Variants in UBE2M observed in about 807,000 individuals in gnomAD.
UBE2M encodes NEDD8-conjugating enzyme Ubc12.
A neutral mutation model predicts 23.5 loss-of-function variants in UBE2M; 2 were observed. The observed-to-expected ratio is 0.09, with a 90% CI of 0.03 to 0.27. UBE2M has a LOEUF of 0.27. UBE2M is among the 10% of genes least tolerant of loss of function. The pLI, the probability that UBE2M is intolerant of heterozygous loss-of-function variation, is 1.00. For missense variants in UBE2M, 103 were observed against 232.9 expected, an observed-to-expected ratio of 0.44 and a Z score of 3.63; for synonymous variants, 97 against 95.2, an observed-to-expected ratio of 1.02 and a Z score of -0.11.
chr19:58,556,107 A>G lies in UBE2M; in HGVS notation c.534T>C (p.Phe178=), dbSNP rs1346321538. The change falls in exon 6 of 6, where the codon TTT becomes TTC. Residue 178 remains phenylalanine, a synonymous_variant. Transcript: ENST00000253023. This position sits in a 1 kb window ranked among gnomAD's most constrained non-coding sequence, Gnocchi z 4.9. ...GCCAACCCTATTTCAGGCAGCGCTC[A>G]AAGTAGGTGGAGCCGATGTAGCCAC... ...MRGGYIGSTY[F]ERCLK 6.2e-7 allele frequency: 1 copy of G among 1,611,360 alleles called. No homozygotes were observed. Among genetic ancestry groups the G allele is most frequent in the South Asian group, 1.1e-5 (1 of 90,986 alleles).
Position 58,558,141 on chromosome 19 carries a change from A to AC in UBE2M, c.109+131dup, listed in dbSNP as rs889087722. 1.3e-3 allele frequency: 681 copies of AC among 523,844 alleles called. No individual in the cohort carries two copies. Among genetic ancestry groups the AC allele is most frequent in the Non-Finnish European group, 1.5e-3 (488 of 328,488 alleles). 32.4% of individuals were successfully genotyped at this position (523,844 alleles called of 1,614,324 possible). ...CCCAACCCTCAAGACTTGACCTCCG[A>AC]CCCCCCCCACGCTCGGGGCCCTTCA... On this transcript the variant is annotated intron_variant, in intron 1 of 5. Transcript: ENST00000253023. This position sits in a 1 kb window ranked among gnomAD's most constrained non-coding sequence, Gnocchi z 4.7.
chr19:58,558,393 C>T lies in UBE2M; in HGVS notation c.-12G>A, dbSNP rs1568671179. Reference sequence around the variant, plus strand: ...AACAGCTTGATCATCCTGCCGCCGCCGCCGCCGCTGCCGCCGCCGCGGGGC... The same window carrying T: ...AACAGCTTGATCATCCTGCCGCCGCTGCCGCCGCTGCCGCCGCCGCGGGGC... On this transcript the variant is annotated 5_prime_UTR_variant, in exon 1 of 6. Coordinates refer to ENST00000253023, the MANE Select transcript of UBE2M (RefSeq NM_003969.4). The surrounding 1 kb of genome is among the most constrained non-coding windows in gnomAD (Gnocchi z 4.7). 1 of 1,368,952 alleles carries T rather than the reference C, an allele frequency of 7.3e-7. No homozygotes were observed. The allele number at this position is 1,368,952 out of a possible 1,614,324, so 84.8% of individuals were successfully genotyped here.
chr19:58,557,216 G>A lies in UBE2M; in HGVS notation c.110-59C>T, dbSNP rs1015379915. 1.1e-5 allele frequency: 16 copies of A among 1,491,062 alleles called. No individual in the cohort carries two copies. In the East Asian group the frequency reaches 1.6e-4, roughly 15 times the overall value. The allele number at this position is 1,491,062 out of a possible 1,614,324, so 92.4% of individuals were successfully genotyped here. Reference sequence around the variant, plus strand: ...AGAGGGAGGGGAAGAGAGAGAGAGAGGGAGCCAGCAGGACACTTAGGGCGG... The same window carrying A: ...AGAGGGAGGGGAAGAGAGAGAGAGAAGGAGCCAGCAGGACACTTAGGGCGG... On this transcript the variant is annotated intron_variant, in intron 1 of 5. Transcript: ENST00000253023.
Position 58,558,396 on chromosome 19 carries a change from C to A in UBE2M, c.-15G>T. 1.5e-6 allele frequency: 2 copies of A among 1,324,424 alleles called. No individual in the cohort carries two copies. The allele number at this position is 1,324,424 out of a possible 1,614,324, so 82.0% of individuals were successfully genotyped here. ...AGCTTGATCATCCTGCCGCCGCCGC[C>A]GCCGCTGCCGCCGCCGCGGGGCCCG... On this transcript the variant is annotated 5_prime_UTR_variant, in exon 1 of 6. Coordinates refer to ENST00000253023, the MANE Select transcript of UBE2M (RefSeq NM_003969.4). The surrounding 1 kb of genome is among the most constrained non-coding windows in gnomAD (Gnocchi z 4.7).
Position 58,556,259 on chromosome 19 carries a change from CAGGCCAGA to C in UBE2M, c.412-38_412-31del. On this transcript the variant is annotated intron_variant, in intron 5 of 5. Coordinates refer to ENST00000253023, the MANE Select transcript of UBE2M (RefSeq NM_003969.4). The surrounding 1 kb of genome is among the most constrained non-coding windows in gnomAD (Gnocchi z 4.9). ...GGCCAGTACAGGTAGGGGGGGTCAA[CAGGCCAGA>C]GGGACAGAAGGCCAATCTCCCCAGA... The C allele has an allele frequency of 6.2e-7, 1 of 1,613,844 alleles. No individual in the cohort carries two copies. The highest frequency in any genetic ancestry group is 8.5e-7 in the Non-Finnish European group (1 of 1,179,770).
intron 2 of UBE2M, 38 bp downstream of exon 2, chr19:58,557,025 T>G (rs1201810392): frequency 1.2e-6 from 2 of 1,613,780 alleles, no homozygotes; most frequent in Admixed American, 3.3e-5. Context: ...GGGACACCCT[T>G]GGTTTGCTCC....
rs769598296 is a variant in UBE2M, at chr19:58,557,083, G to A, written c.184C>T (p.Leu62=). The A allele has an allele frequency of 5.6e-6, 9 of 1,614,106 alleles. No homozygotes were observed. Among genetic ancestry groups the A allele is most frequent in the South Asian group, 1.1e-5 (1 of 91,086 alleles). The part of the protein sequence containing the change: ...SDPDDLLNFK[L]VICPDEGFYK... ...CTCACCTCATCAGGACAGATGACCA[G>A]CTTGAAGTTGAGGAGGTCGTCTGGA... Residue 62 remains leucine (L), a synonymous_variant, in exon 2 of 6, where the codon CTG becomes TTG. Coordinates refer to ENST00000253023, the MANE Select transcript of UBE2M (RefSeq NM_003969.4).
chr19:58,556,547 G>A lies in UBE2M; in HGVS notation c.347+140C>T. 2 of 1,066,016 alleles carry A rather than the reference G, an allele frequency of 1.9e-6. No individual in the cohort carries two copies. The highest frequency in any genetic ancestry group is 2.6e-5 in the East Asian group (1 of 39,092). 66.0% of individuals were successfully genotyped at this position (1,066,016 alleles called of 1,614,324 possible). Reference sequence around the variant, plus strand: ...AAGGAGAAAACCAAGGTCAGGCCATGAGGAAGATGACTGGGAAATCAAGAA... The same window carrying A: ...AAGGAGAAAACCAAGGTCAGGCCATAAGGAAGATGACTGGGAAATCAAGAA... On this transcript the variant is annotated intron_variant, in intron 4 of 5. Transcript: ENST00000253023. The surrounding 1 kb of genome is among the most constrained non-coding windows in gnomAD (Gnocchi z 4.9).
chr19:58,558,499 T>TGCTGCCGCCACCCGCCCGG lies in UBE2M; in HGVS notation c.-137_-119dup, dbSNP rs1207982181. On this transcript the variant is annotated 5_prime_UTR_variant, in exon 1 of 6. Transcript: ENST00000253023. The surrounding 1 kb of genome is among the most constrained non-coding windows in gnomAD (Gnocchi z 4.7). ...GACCCGCAGCTGCGGCCTCCTCCGC[T>TGCTGCCGCCACCCGCCCGG]GCTGCCGCCACCCGCCCGGCCTGCC... The TGCTGCCGCCACCCGCCCGG allele has an allele frequency of 2.7e-6, 1 of 370,038 alleles. No homozygotes were observed. The highest frequency in any genetic ancestry group is 2.2e-5 in the African/African-American group (1 of 44,976). The allele number at this position is 370,038 out of a possible 1,614,324, so 22.9% of individuals were successfully genotyped here.
In UBE2M at chr19:58,556,494, G is replaced by A; in HGVS notation, c.348-115C>T. 8.1e-7 allele frequency: 1 copy of A among 1,231,970 alleles called. No homozygotes were observed. Among genetic ancestry groups the A allele is most frequent in the Admixed American group, 2.0e-5 (1 of 49,220 alleles). 76.3% of individuals were successfully genotyped at this position (1,231,970 alleles called of 1,614,324 possible). ...AGGAGAGTGAGCATGTGAGAGGCTGGGAGGGAGGGTGTGGAGCAGGACAGG... is the reference window on the plus strand; with the variant it reads ...AGGAGAGTGAGCATGTGAGAGGCTGAGAGGGAGGGTGTGGAGCAGGACAGG... On this transcript the variant is annotated intron_variant, in intron 4 of 5. Transcript: ENST00000253023. The surrounding 1 kb of genome is among the most constrained non-coding windows in gnomAD (Gnocchi z 4.9).
intron 1 of UBE2M, 71 bp from the exon 2 acceptor site, chr19:58,557,228 G>T (rs963450049): frequency 4.7e-6 from 7 of 1,475,668 alleles, no homozygotes; most frequent in Non-Finnish European, 6.6e-6. Flanking sequence ...GAGCCAGCAG[G>T]ACACTTAGGG....
At position 58,558,285 on chromosome 19, in the gene UBE2M, G is replaced by T. The variant is rs1365739937; in HGVS notation, c.97C>A (p.Arg33=). 6.2e-6 allele frequency: 10 copies of T among 1,602,064 alleles called. No homozygotes were observed. The African/African-American group carries it at 1.4e-4, about 22-fold the overall frequency. ...SSKKASAAQL[R]IQKDINELNL... is the part of the protein sequence containing the mutation. ...CCTGACCCCCTACCCTTCTGGATCCGCAGCTGCGCCGCCGACGCCTTCTTG... is the reference window on the plus strand; with the variant it reads ...CCTGACCCCCTACCCTTCTGGATCCTCAGCTGCGCCGCCGACGCCTTCTTG... The change falls in exon 1 of 6, where the codon CGG becomes AGG. Residue 33 remains arginine, a synonymous_variant. Coordinates refer to ENST00000253023, the MANE Select transcript of UBE2M (RefSeq NM_003969.4). The surrounding 1 kb of genome is among the most constrained non-coding windows in gnomAD (Gnocchi z 4.7).
At chr19:58,557,547 A>G (rs377577885) in intron 1 of UBE2M, among the ~76,000 whole-genome samples, 1 of 151,316 alleles carries the variant, frequency 6.6e-6, no homozygotes, top group South Asian at 2.1e-4. Flanking sequence ...CCCAAACTCA[A>G]AGATCCTGCC....
Position 58,555,893 on chromosome 19 carries a change from G to A in UBE2M, c.*196C>T, listed in dbSNP as rs553402619. ...TTTCCCATCGCTGAGTGGGTCGGGG[G>A]AGGCAGCGCCGACCTTAATCACATG... is the stretch of plus-strand genomic sequence containing the variant. On this transcript the variant is annotated 3_prime_UTR_variant, in exon 6 of 6. Coordinates refer to ENST00000253023, the MANE Select transcript of UBE2M (RefSeq NM_003969.4). 9 of 685,660 alleles carry A rather than the reference G, an allele frequency of 1.3e-5. No homozygotes were observed. The highest frequency in any genetic ancestry group is 3.9e-5 in the South Asian group (2 of 51,042). The allele number at this position is 685,660 out of a possible 1,614,324, so 42.5% of individuals were successfully genotyped here. A position where few individuals can be genotyped will look rare whatever the true frequency, so the allele number is the denominator to read the frequency against.
rs1481664805 is a variant in UBE2M, at chr19:58,556,399, G to C, written c.348-20C>G. The C allele has an allele frequency of 6.2e-7, 1 of 1,613,016 alleles. No individual in the cohort carries two copies. The highest frequency in any genetic ancestry group is 8.5e-7 in the Non-Finnish European group (1 of 1,179,822). On this transcript the variant is annotated intron_variant, in intron 4 of 5. Transcript: ENST00000253023. This position sits in a 1 kb window ranked among gnomAD's most constrained non-coding sequence, Gnocchi z 4.9. ...TCCTCTCTGTGGACAGAGAGCATCA[G>C]GGTCAGGGCTTGGTGAGTGGGAGAC...
rs1010362308 is a variant in UBE2M at position 58,556,851 on chromosome 19, T to C, written c.243+41A>G. ...GCCTGGAAGGGCCTCAGCTGCTGCC[T>C]CCTCTGTCCAGGGAGCCATCCCTGC... is the stretch of plus-strand genomic sequence containing the variant. On this transcript the variant is annotated intron_variant, in intron 3 of 5. Transcript: ENST00000253023. The surrounding 1 kb of genome is among the most constrained non-coding windows in gnomAD (Gnocchi z 4.9). 5.0e-6 allele frequency: 8 copies of C among 1,613,684 alleles called. No individual in the cohort carries two copies. In the African/African-American group the frequency reaches 1.1e-4, roughly 22 times the overall value.
rs761265970 is a variant in UBE2M at position 58,556,254 on chromosome 19, G to A, written c.412-25C>T. The A allele has an allele frequency of 3.8e-5, 61 of 1,613,796 alleles. No individual in the cohort carries two copies. Among genetic ancestry groups the A allele is most frequent in the Admixed American group, 1.7e-4 (10 of 60,000 alleles). On this transcript the variant is annotated intron_variant, in intron 5 of 5. Transcript: ENST00000253023. The surrounding 1 kb of genome is among the most constrained non-coding windows in gnomAD (Gnocchi z 4.9). ...CCTGTGGCCAGTACAGGTAGGGGGG[G>A]TCAACAGGCCAGAGGGACAGAAGGC...
Position 58,556,784 on chromosome 19 carries a change from G to C in UBE2M, c.250C>G (p.Gln84Glu). The change falls in exon 4 of 6, where the codon CAG becomes GAG. Residue 84 changes from glutamine to glutamate, a missense_variant. By Grantham distance (29) the Gln-to-Glu change is conservative. This residue lies in a region of UBE2M where 57 missense variants were observed against 103.3 expected (regional missense o/e 0.55). Transcript: ENST00000253023. This position sits in a 1 kb window ranked among gnomAD's most constrained non-coding sequence, Gnocchi z 4.9. Reference sequence around the variant, plus strand: ...TTGGGGGGATCATGCGGGTAACCCTGGCCCACCTGGCTCCAGGAAAAGAAA... The same window carrying C: ...TTGGGGGGATCATGCGGGTAACCCTCGCCCACCTGGCTCCAGGAAAAGAAA... ...GKFVFSFKVG[Q>E]GYPHDPPKVK... 6.3e-7 allele frequency: 1 copy of C among 1,598,694 alleles called. No homozygotes were observed. The highest frequency in any genetic ancestry group is 8.5e-7 in the Non-Finnish European group (1 of 1,172,168).
At position 58,556,201 on chromosome 19, in the gene UBE2M, T is replaced by G; in HGVS notation, c.440A>C (p.Lys147Thr). 6.2e-7 allele frequency: 1 copy of G among 1,614,140 alleles called. No individual in the cohort carries two copies. Among genetic ancestry groups the G allele is most frequent in the Non-Finnish European group, 8.5e-7 (1 of 1,180,002 alleles). ...GTTCTGCAGGACCTCTGCGGCCTCC[T>G]TGTTCAGTGGGTCCTCGGGGTTGGG... The part of the protein sequence containing the change: ...LEPNPEDPLN[K>T]EAAEVLQNNR... Residue 147 changes from lysine to threonine, a missense_variant, in exon 6 of 6, where the codon AAG becomes ACG. Coordinates refer to ENST00000253023, the MANE Select transcript of UBE2M (RefSeq NM_003969.4). The surrounding 1 kb of genome is among the most constrained non-coding windows in gnomAD (Gnocchi z 4.9).
Sources: gnomAD v4.1 joint callset for allele counts (sites outside exome capture counted in the v4.1 genomes callset) on GRCh38, gnomAD v4.1.1 for gene constraint, gnomAD v4.1.1 regional missense constraint, Gnocchi (gnomAD v3.1) non-coding constraint, MANE v1.5 for transcripts, NCBI Gene and HGNC (gene_info 2026-07-23, HGNC 2026-07-21) for gene names.